The following CCDC63 variants were observed in gnomAD, a reference collection of about 807,000 sequenced individuals.
CCDC63 encodes the protein coiled-coil domain containing 63, also known as coiled-coil domain-containing protein 63.
CCDC63 carries 54 observed loss-of-function variants against 63.6 expected under a neutral mutation model. The observed-to-expected ratio is 0.85, with a 90% CI of 0.68 to 1.07. The LOEUF is 1.07. Among genes scored for constraint, CCDC63 ranks in the 50% least tolerant of loss-of-function variants. The probability of loss-of-function intolerance (pLI) is 0.00; values close to 1 mark genes in which losing one functional copy is unlikely to be tolerated. For synonymous variants in CCDC63, 253 were observed against 266.1 expected, an observed-to-expected ratio of 0.95 and a Z score of 0.48; for missense variants, 637 against 689.6, an observed-to-expected ratio of 0.92 and a Z score of 0.86.
intron 4 of CCDC63, among the ~76,000 whole-genome samples, chr12:110,868,422 T>G (rs2071007321): frequency 6.6e-6 from 1 of 150,480 alleles, no homozygotes; most frequent in Non-Finnish European, 1.5e-5. Context: ...ATCACGCCAC[T>G]GCACTCCAGT....
At chr12:110,867,226 G>T (rs2070970927) in intron 4 of CCDC63, among the ~76,000 whole-genome samples, 1 of 113,764 alleles carries the variant, frequency 8.8e-6, no homozygotes, top group Non-Finnish European at 1.8e-5. Context: ...GCGGGGGGCC[G>T]ACCCCCCCAC....
rs753521229 is a variant in CCDC63, at chr12:110,853,402, C to A, written c.10-3C>A. ...GCCTCCCACTCCTCTCCATCTCCCC[C>A]AGTTGAAGAAGAACAGGAGAAAAGA... On this transcript the variant is annotated splice_polypyrimidine_tract_variant and splice_region_variant and intron_variant, in intron 2 of 11. Coordinates refer to ENST00000308208, the MANE Select transcript of CCDC63 (RefSeq NM_152591.3). 2 of 1,607,360 alleles carry A rather than the reference C, an allele frequency of 1.2e-6. No homozygotes were observed.
intron 4 of CCDC63, among the ~76,000 whole-genome samples, chr12:110,867,365 T>C (rs1593655860): frequency 9.4e-6 from 1 of 106,496 alleles, no homozygotes. Context: ...CCCCCCCACC[T>C]CCCTCCCGGA....
chr12:110,847,246 T>C (rs970242088), intron 1 of CCDC63, 141 bp downstream of exon 1: 3 of 152,212 alleles, frequency 2.0e-5, no homozygotes, highest in Non-Finnish European at 4.4e-5. Context: ...CCCGCAATCA[T>C]GCATAAATAA....
intron 8 of CCDC63, among the ~76,000 whole-genome samples, chr12:110,890,811 T>C (rs2071348010): frequency 7.2e-6 from 1 of 139,268 alleles, no homozygotes; most frequent in Non-Finnish European, 1.5e-5. Context: ...AGGATCTTGC[T>C]CTATCGCCTG....
At chr12:110,895,638 C>T (rs975979804) in intron 9 of CCDC63, among the ~76,000 whole-genome samples, 3 of 152,170 alleles carry the variant, frequency 2.0e-5, no homozygotes, top group Admixed American at 6.5e-5. Context: ...AGCTCTGTGA[C>T]GTTGAGGTAG....
chr12:110,863,247 C>T (rs1364674088), intron 4 of CCDC63, among the ~76,000 whole-genome samples: 1 of 146,194 alleles, frequency 6.8e-6, no homozygotes, highest in Non-Finnish European at 1.5e-5. Flanking sequence ...TTTAGTCTCG[C>T]TTTGAGTGAC....
In CCDC63 at chr12:110,881,177, A is replaced by G; in HGVS notation, c.734A>G (p.Tyr245Cys). 6.2e-7 allele frequency: 1 copy of G among 1,613,460 alleles called. No homozygotes were observed. Among genetic ancestry groups the G allele is most frequent in the South Asian group, 1.1e-5 (1 of 91,028 alleles). The change falls in exon 7 of 12, where the codon TAC (tyrosine) becomes TGC (cysteine). Residue 245 changes from tyrosine (Y) to cysteine (C), a missense_variant. By Grantham distance (194) the Tyr-to-Cys change is radical. Transcript: ENST00000308208. ...KDRQKKDTSQ[Y>C]NLEIRELERL... ...CGCCAGAAGAAGGACACCTCTCAGT[A>G]CAACCTGGAGATCCGAGAGCTGGAG... is the stretch of plus-strand genomic sequence containing the variant.
intron 9 of CCDC63, among the ~76,000 whole-genome samples, chr12:110,898,448 T>C (rs1033589442): frequency 4.9e-5 from 5 of 101,340 alleles, no homozygotes; most frequent in African/African-American, 1.5e-4. Context: ...CTACTAAAAA[T>C]ACAAAAAAAA....
chr12:110,865,464 C>CAAAA (rs10585238), intron 4 of CCDC63, among the ~76,000 whole-genome samples: 16,354 of 101,490 alleles, frequency 0.16, 1,015 homozygotes, highest in East Asian at 0.24. Context: ...CAGCATATAC[C>CAAAA]AAAAAAAAAA....
chr12:110,854,010 G>A (rs1449514337), intron 3 of CCDC63, among the ~76,000 whole-genome samples: 1 of 152,138 alleles, frequency 6.6e-6, no homozygotes, highest in African/African-American at 2.4e-5. Flanking sequence ...ATTCCTGGGA[G>A]ACGGAGACTC....
At chr12:110,853,083 G>A in intron 2 of CCDC63, 120 bp downstream of exon 2, 1 of 1,138,154 alleles carries the variant, frequency 8.8e-7, no homozygotes, top group South Asian at 1.3e-5. Context: ...CCATTTTGTA[G>A]GTGGGAGGCT....
intron 3 of CCDC63, among the ~76,000 whole-genome samples, chr12:110,854,255 C>CTTTT (rs59793950): frequency 1.3e-4 from 14 of 106,734 alleles, no homozygotes; most frequent in East Asian, 2.8e-4. Flanking sequence ...CATTTCTTTT[C>CTTTT]TTTTTTTTTT....
At chr12:110,867,376 C>G (rs1593655885) in intron 4 of CCDC63, among the ~76,000 whole-genome samples, 1 of 118,772 alleles carries the variant, frequency 8.4e-6, no homozygotes, top group African/African-American at 3.4e-5. Flanking sequence ...CCCTCCCGGA[C>G]AGGGCGGCTG....
chr12:110,851,705 T>C (rs1459226803), intron 1 of CCDC63, among the ~76,000 whole-genome samples: 1 of 152,110 alleles, frequency 6.6e-6, no homozygotes, highest in Non-Finnish European at 1.5e-5. Flanking sequence ...CTCATCAACA[T>C]TCACCACCCT....
At chr12:110,903,585 G>A (rs569535277) in intron 10 of CCDC63, among the ~76,000 whole-genome samples, 4 of 152,272 alleles carry the variant, frequency 2.6e-5, no homozygotes, top group African/African-American at 7.2e-5. Flanking sequence ...CGTCTAGCAC[G>A]GTGCATGGCG....
chr12:110,853,222 A>T (rs964654661), intron 2 of CCDC63, among the ~76,000 whole-genome samples, 183 bp from the exon 3 acceptor site: 2 of 151,768 alleles, frequency 1.3e-5, no homozygotes, highest in East Asian at 3.9e-4. Context: ...TCATCTCTCC[A>T]CCCTAGCAAG....
At chr12:110,858,922 C>T (rs571506725) in intron 4 of CCDC63, 147 bp downstream of exon 4, 6 of 645,926 alleles carry the variant, frequency 9.3e-6, no homozygotes, top group South Asian at 2.1e-5. Context: ...CTGCTGCTAT[C>T]GTCTCGCTAC....
At chr12:110,867,745 CG>C (rs1455940761) in intron 4 of CCDC63, among the ~76,000 whole-genome samples, 1 of 131,450 alleles carries the variant, frequency 7.6e-6, no homozygotes, top group Non-Finnish European at 1.6e-5. Flanking sequence ...GCTGGCCAGG[CG>C]GGGGGCTGAC....
Sources: allele counts gnomAD v4.1 joint callset (sites outside exome capture counted in the v4.1 genomes callset), GRCh38; gene constraint gnomAD v4.1.1; transcripts MANE v1.5; gene names NCBI Gene and HGNC (gene_info 2026-07-23, HGNC 2026-07-21).